The following LHFPL3 variants were observed in gnomAD, a reference collection of about 807,000 sequenced individuals.
The protein encoded by LHFPL3 is LHFPL tetraspan subfamily member 3.
In LHFPL3, 5 loss-of-function variants were observed where a neutral mutation model predicts 19.3. The ratio of observed to expected loss-of-function variants is 0.26; its 90% CI spans 0.14 to 0.54. The LOEUF is 0.54. LHFPL3 is among the 20% of genes least tolerant of loss of function. The pLI is 0.94. For synonymous variants in LHFPL3, 133 were observed against 126.2 expected (o/e 1.05, Z -0.36); for missense variants, 249 against 307.4 (o/e 0.81, Z 1.42).
chr7:104,356,988 C>G (rs1192553466), intron 1 of LHFPL3, among the ~76,000 whole-genome samples: 1 of 152,144 alleles, frequency 6.6e-6, no homozygotes, highest in African/African-American at 2.4e-5. Flanking sequence ...GCTTAAAAGG[C>G]AAAAGCCTTC....
chr7:104,887,812 A>C (rs182802538), intron 2 of LHFPL3, among the ~76,000 whole-genome samples: 1 of 152,354 alleles, frequency 6.6e-6, no homozygotes, highest in Admixed American at 6.5e-5. Context: ...TGCTGGAAAG[A>C]GTTCAATGAG....
intron 1 of LHFPL3, among the ~76,000 whole-genome samples, chr7:104,382,445 T>G (rs1790846041): frequency 6.6e-6 from 1 of 152,296 alleles, no homozygotes; most frequent in Admixed American, 6.5e-5. Context: ...CCAAGATGCT[T>G]TTGATACATG....
chr7:104,657,629 C>T (rs1792144450), intron 1 of LHFPL3, among the ~76,000 whole-genome samples: 1 of 152,186 alleles, frequency 6.6e-6, no homozygotes, highest in South Asian at 2.1e-4. Flanking sequence ...TGTGAAGGTG[C>T]CTGGATGTAA....
intron 1 of LHFPL3, among the ~76,000 whole-genome samples, chr7:104,659,422 T>G (rs948075878): frequency 3.9e-5 from 6 of 152,200 alleles, no homozygotes; most frequent in Admixed American, 1.3e-4. Flanking sequence ...GTTCGGTCAT[T>G]CAGTGCTCTT....
intron 1 of LHFPL3, among the ~76,000 whole-genome samples, chr7:104,557,088 G>C (rs1320389729): frequency 6.6e-6 from 1 of 152,162 alleles, no homozygotes; most frequent in Admixed American, 6.5e-5. Flanking sequence ...TTTCTAGAGA[G>C]TTCCAAACTT....
intron 2 of LHFPL3, among the ~76,000 whole-genome samples, chr7:104,776,085 C>T (rs914894218): frequency 6.6e-6 from 1 of 152,168 alleles, no homozygotes; most frequent in African/African-American, 2.4e-5. Context: ...AATGGTATAA[C>T]GCCAGTGGGT....
At chr7:104,679,667 T>A (rs1249018577) in intron 1 of LHFPL3, among the ~76,000 whole-genome samples, 1 of 152,198 alleles carries the variant, frequency 6.6e-6, no homozygotes, top group Non-Finnish European at 1.5e-5. Flanking sequence ...ACATACTTTT[T>A]CCCCTCTTGG....
intron 1 of LHFPL3, among the ~76,000 whole-genome samples, chr7:104,339,518 G>A (rs1310609561): frequency 1.3e-5 from 2 of 151,538 alleles, no homozygotes; most frequent in Admixed American, 6.6e-5. Context: ...CTTGCCAAAA[G>A]AATACCTTGG....
chr7:104,887,586 G>A (rs967718229), intron 2 of LHFPL3, among the ~76,000 whole-genome samples: 3 of 152,204 alleles, frequency 2.0e-5, no homozygotes, highest in African/African-American at 7.2e-5. Flanking sequence ...TAAGCAGAGA[G>A]GACCCTGCTG....
chr7:104,775,089 G>A (rs1402888634), intron 2 of LHFPL3, among the ~76,000 whole-genome samples: 1 of 152,172 alleles, frequency 6.6e-6, no homozygotes, highest in African/African-American at 2.4e-5. Flanking sequence ...TACAGTATAT[G>A]TTTGACAATT....
At chr7:104,706,547 A>G (rs1793193628) in intron 1 of LHFPL3, among the ~76,000 whole-genome samples, 1 of 152,346 alleles carries the variant, frequency 6.6e-6, no homozygotes, top group African/African-American at 2.4e-5. Flanking sequence ...GGCAGAGCCA[A>G]AATTTAAGTT....
rs62485114 is a variant in LHFPL3 at position 104,499,010 on chromosome 7, G to A, written c.445+169786G>A. Among the ~76,000 whole-genome samples the A allele has an allele frequency of 4.0e-3, 612 of 152,242 alleles. 4 individuals are homozygous for A. Among genetic ancestry groups the A allele is most frequent in the Admixed American group, 6.7e-3 (103 of 15,304 alleles). On this transcript the variant is annotated intron_variant, in intron 1 of 2. Coordinates refer to ENST00000424859, the MANE Select transcript of LHFPL3 (RefSeq NM_199000.3). The stretch of plus-strand genomic sequence containing the variant: ...CAGTGGGTCTAATGTTTGGGCATGG[G>A]TATTTCCAGGTGCAATAACTCATTT...
intron 1 of LHFPL3, among the ~76,000 whole-genome samples, chr7:104,517,738 C>G (rs1324481745): frequency 1.3e-5 from 2 of 152,082 alleles, no homozygotes; most frequent in Non-Finnish European, 2.9e-5. Context: ...AAACTCCTGA[C>G]CTCAGGTGAT....
At chr7:104,899,237 T>C (rs1462543444) in intron 2 of LHFPL3, among the ~76,000 whole-genome samples, 2 of 152,024 alleles carry the variant, frequency 1.3e-5, no homozygotes, top group Non-Finnish European at 2.9e-5. Context: ...CCCCAGCCTA[T>C]TGAATGGGGA....
chr7:104,665,655 G>T (rs1201869547), intron 1 of LHFPL3, among the ~76,000 whole-genome samples: 2 of 152,158 alleles, frequency 1.3e-5, no homozygotes, highest in African/African-American at 4.8e-5. Context: ...TTCATAACTT[G>T]TCTGAAAGTG....
rs1186901204 is a variant in LHFPL3 at position 104,767,089 on chromosome 7, T to C, written c.682+30178T>C. The stretch of plus-strand genomic sequence containing the variant: ...AAAGTTATCACAAACATAATAAAAG[T>C]TAAAGTTCTGATTAAATGCGATAAG... On this transcript the variant is annotated intron_variant, in intron 2 of 2. Transcript: ENST00000424859. 2.0e-5 allele frequency among the ~76,000 whole-genome samples: 3 copies of C among 152,284 alleles called. No individual in the cohort carries two copies. The East Asian group carries it at 5.8e-4, about 29-fold the overall frequency.
intron 1 of LHFPL3, among the ~76,000 whole-genome samples, chr7:104,462,279 T>C (rs1027143610): frequency 6.6e-6 from 1 of 152,192 alleles, no homozygotes; most frequent in African/African-American, 2.4e-5. Context: ...CAATACTACA[T>C]TGAATAGGAG....
At chr7:104,832,633 T>TA (rs1412483828) in intron 2 of LHFPL3, among the ~76,000 whole-genome samples, 1 of 149,906 alleles carries the variant, frequency 6.7e-6, no homozygotes, top group Non-Finnish European at 1.5e-5. Flanking sequence ...TCTTTTTTTT[T>TA]TTTTTTGATA....
At chr7:104,660,915 A>G (rs1216896321) in intron 1 of LHFPL3, among the ~76,000 whole-genome samples, 3 of 152,230 alleles carry the variant, frequency 2.0e-5, no homozygotes, top group Admixed American at 6.5e-5. Flanking sequence ...AGTAGATGCC[A>G]TACATCCTCA....
Sources: gnomAD v4.1 joint callset for allele counts (sites outside exome capture counted in the v4.1 genomes callset) on GRCh38, gnomAD v4.1.1 for gene constraint, MANE v1.5 for transcripts, NCBI Gene and HGNC (gene_info 2026-07-23, HGNC 2026-07-21) for gene names.